RAD51B: variants seen among roughly 807,000 people sequenced by gnomAD.
The protein encoded by RAD51B is RAD51 paralog B.
RAD51B carries 38 observed loss-of-function variants against 42.2 expected under a neutral mutation model. That is an observed-to-expected ratio of 0.90 (90% CI 0.70 to 1.18). RAD51B has a LOEUF of 1.18. Ranked by LOEUF, RAD51B falls within the 50% of genes most tolerant of loss-of-function variation. RAD51B has a pLI of 0.00. For synonymous variants in RAD51B, 154 were observed against 145.2 expected, an observed-to-expected ratio of 1.06 and a Z score of -0.43; for missense variants, 373 against 400.7, an observed-to-expected ratio of 0.93 and a Z score of 0.59.
intron 7 of RAD51B, among the ~76,000 whole-genome samples, chr14:68,183,948 C>T (rs920158147): frequency 7.6e-5 from 11 of 144,736 alleles, no homozygotes; most frequent in African/African-American, 2.3e-4. Context: ...AAAAATTAGG[C>T]GGGCGTGGTG....
intron 10 of RAD51B, chr14:68,497,008 G>A: frequency 9.6e-7 from 1 of 1,045,096 alleles, no homozygotes; most frequent in Non-Finnish European, 1.3e-6. Flanking sequence ...ATGGGGGCAT[G>A]AACTTTTTTC....
At chr14:68,192,958 G>GT (rs1463568905) in intron 7 of RAD51B, among the ~76,000 whole-genome samples, 3 of 152,172 alleles carry the variant, frequency 2.0e-5, no homozygotes, top group Non-Finnish European at 4.4e-5. Flanking sequence ...AAATTGCAAT[G>GT]TAACACAAAA....
chr14:68,320,491 A>G (rs972800120), intron 8 of RAD51B, among the ~76,000 whole-genome samples: 1 of 152,220 alleles, frequency 6.6e-6, no homozygotes, highest in Admixed American at 6.5e-5. Context: ...GAGTCAAATG[A>G]TTGTTCCAAG....
At chr14:67,918,148 T>C (rs1415230576) in intron 7 of RAD51B, among the ~76,000 whole-genome samples, 1 of 152,092 alleles carries the variant, frequency 6.6e-6, no homozygotes, top group African/African-American at 2.4e-5. Flanking sequence ...TTAAAAATAA[T>C]GGAGAATCTA....
At chr14:67,857,849 G>C (rs534945825) in intron 4 of RAD51B, 3 of 152,854 alleles carry the variant, frequency 2.0e-5, no homozygotes, top group African/African-American at 7.2e-5. Flanking sequence ...CTGGCTGGCT[G>C]TTCCAGGCAC....
intron 8 of RAD51B, among the ~76,000 whole-genome samples, chr14:68,362,403 C>A (rs967979231): frequency 2.6e-5 from 4 of 152,192 alleles, no homozygotes; most frequent in African/African-American, 9.7e-5. Flanking sequence ...TCATAGCAAT[C>A]TGATGATGTA....
At chr14:68,355,611 T>G (rs1226128263) in intron 8 of RAD51B, among the ~76,000 whole-genome samples, 5 of 151,610 alleles carry the variant, frequency 3.3e-5, no homozygotes, top group African/African-American at 9.7e-5. Flanking sequence ...GTGGTTTGGG[T>G]TTTTTTTTCT....
chr14:68,012,016 C>T (rs1361899635), intron 7 of RAD51B, among the ~76,000 whole-genome samples: 1 of 152,108 alleles, frequency 6.6e-6, no homozygotes, highest in Non-Finnish European at 1.5e-5. Context: ...ATGTGGATGC[C>T]TGGAGAAGCC....
At chr14:68,554,482 G>A (rs925033532) in intron 10 of RAD51B, among the ~76,000 whole-genome samples, 1 of 152,044 alleles carries the variant, frequency 6.6e-6, no homozygotes, top group Admixed American at 6.6e-5. Flanking sequence ...CCCACATGCC[G>A]ACACAGCTGA....
intron 8 of RAD51B, among the ~76,000 whole-genome samples, chr14:68,346,039 TC>T (rs2082670930): frequency 6.6e-6 from 1 of 152,074 alleles, no homozygotes; most frequent in Admixed American, 6.5e-5. Flanking sequence ...ATTTAATAGT[TC>T]CCTCAAACCT....
chr14:67,885,481 A>G (rs1191274986), intron 5 of RAD51B, among the ~76,000 whole-genome samples: 12 of 152,244 alleles, frequency 7.9e-5, no homozygotes, highest in Non-Finnish European at 1.8e-4. Flanking sequence ...ATTATAATAC[A>G]ATATACCATA....
chr14:68,539,683 C>T (rs906100798), intron 10 of RAD51B, among the ~76,000 whole-genome samples: 7 of 152,230 alleles, frequency 4.6e-5, no homozygotes, highest in African/African-American at 1.4e-4. Context: ...ATTGAATGCA[C>T]ACAGTGGCCC....
rs1350532252 is a variant in RAD51B, at chr14:68,477,646, A to G, written c.1037-2A>G. On this transcript the variant is annotated splice_acceptor_variant, in intron 10 of 10. Coordinates refer to ENST00000471583, the MANE Select transcript of RAD51B (RefSeq NM_133510.4). LOFTEE classifies it high-confidence loss of function. Reference sequence around the variant, plus strand: ...TTTCTCTTTTTTTTTTTTTTCCTTTAGGCCAAGAGAAGCCATAGGGATACT... The same window carrying G: ...TTTCTCTTTTTTTTTTTTTTCCTTTGGGCCAAGAGAAGCCATAGGGATACT... 2 of 1,564,610 alleles carry G rather than the reference A, an allele frequency of 1.3e-6. No individual in the cohort carries two copies.
At chr14:67,842,994 C>T (rs889964612) in intron 4 of RAD51B, among the ~76,000 whole-genome samples, 2 of 152,118 alleles carry the variant, frequency 1.3e-5, no homozygotes, top group Non-Finnish European at 2.9e-5. Context: ...ATATGTTGAA[C>T]TAGCCCTGCG....
At chr14:67,979,326 G>T (rs1247241307) in intron 7 of RAD51B, among the ~76,000 whole-genome samples, 1 of 152,154 alleles carries the variant, frequency 6.6e-6, no homozygotes, top group Non-Finnish European at 1.5e-5. Context: ...TTTAAGTGAA[G>T]AAATACTTTT....
At chr14:68,494,933 C>G (rs1376994116) in intron 10 of RAD51B, among the ~76,000 whole-genome samples, 1 of 152,176 alleles carries the variant, frequency 6.6e-6, no homozygotes, top group Non-Finnish European at 1.5e-5. Flanking sequence ...TTCTCCAGCT[C>G]CACAGCGCAT....
In RAD51B at chr14:67,861,778, T is replaced by G. The variant is rs1013764324; in HGVS notation, c.316-3225T>G. 2.6e-5 allele frequency among the ~76,000 whole-genome samples: 4 copies of G among 152,034 alleles called. No homozygotes were observed. In the South Asian group the frequency reaches 8.3e-4, roughly 32 times the overall value. On this transcript the variant is annotated intron_variant, in intron 4 of 10. Coordinates refer to ENST00000471583, the MANE Select transcript of RAD51B (RefSeq NM_133510.4). ...GTAATGTTTTAACAAGGAGTGAAAA[T>G]GTAACTGCCTTTTCTAAAGGCTGGG...
At chr14:68,509,293 C>T (rs2842345) in intron 10 of RAD51B, among the ~76,000 whole-genome samples, 149,001 of 152,352 alleles carry the variant, frequency 0.98, 72,964 homozygotes, top group East Asian at 1. Context: ...GGAGCATTGC[C>T]ATGTTAAAGC....
At chr14:68,496,746 A>G (rs1421490790) in intron 10 of RAD51B, among the ~76,000 whole-genome samples, 1 of 152,224 alleles carries the variant, frequency 6.6e-6, no homozygotes, top group East Asian at 1.9e-4. Context: ...AGGTCAAAAT[A>G]TCAACATTAA....
Sources: allele counts gnomAD v4.1 joint callset (sites outside exome capture counted in the v4.1 genomes callset), GRCh38; gene constraint gnomAD v4.1.1; transcripts MANE v1.5; gene names NCBI Gene and HGNC (gene_info 2026-07-23, HGNC 2026-07-21).